FSTL5: variants seen among roughly 807,000 people sequenced by gnomAD.
FSTL5 encodes the protein follistatin-related protein 5.
Under a neutral mutation model 89.1 loss-of-function variants are expected in FSTL5, and 62 were observed. The observed-to-expected ratio is 0.70, with a 90% confidence interval of 0.57 to 0.86. FSTL5 has a LOEUF of 0.86. Ranked by LOEUF, FSTL5 falls within the 40% of genes least tolerant of loss-of-function variation. The pLI is 0.00. For missense variants in FSTL5, 1,057 were observed against 1,001.6 expected, an observed-to-expected ratio of 1.06 and a Z score of -0.75; for synonymous variants, 383 against 346.2, an observed-to-expected ratio of 1.11 and a Z score of -1.18.
intron 6 of FSTL5, among the ~76,000 whole-genome samples, chr4:161,661,704 C>A (rs560557487): frequency 6.6e-5 from 10 of 152,126 alleles, no homozygotes; most frequent in African/African-American, 2.4e-4. Context: ...TTAGAATCTT[C>A]GAGACTAAAT....
At chr4:161,462,268 T>C (rs979769652) in intron 13 of FSTL5, among the ~76,000 whole-genome samples, 4 of 152,216 alleles carry the variant, frequency 2.6e-5, no homozygotes, top group South Asian at 2.1e-4. Flanking sequence ...TCCCTCTTAG[T>C]TGATTGTTTA....
intron 7 of FSTL5, among the ~76,000 whole-genome samples, chr4:161,653,324 A>G (rs901459422): frequency 6.6e-6 from 1 of 152,162 alleles, no homozygotes; most frequent in African/African-American, 2.4e-5. Flanking sequence ...TGAAAATAGT[A>G]TCCTCTGTCA....
intron 7 of FSTL5, among the ~76,000 whole-genome samples, chr4:161,604,241 T>G (rs2126628444): frequency 6.6e-6 from 1 of 152,294 alleles, no homozygotes; most frequent in Middle Eastern, 3.4e-3. Context: ...ATAAATACAT[T>G]ATTATGCAAA....
chr4:161,670,760 A>G (rs190737510), intron 6 of FSTL5, among the ~76,000 whole-genome samples: 108 of 152,334 alleles, frequency 7.1e-4, no homozygotes, highest in Non-Finnish European at 1.3e-3. Flanking sequence ...CATTTTGGCA[A>G]TTCTTCACAG....
intron 4 of FSTL5, among the ~76,000 whole-genome samples, chr4:161,811,998 A>G (rs1405997899): frequency 2.0e-5 from 3 of 152,196 alleles, no homozygotes; most frequent in Admixed American, 2.0e-4. Context: ...ATACTTGACA[A>G]TAATGGCTGG....
At chr4:161,448,572 C>A (rs911804524) in intron 15 of FSTL5, among the ~76,000 whole-genome samples, 9 of 152,062 alleles carry the variant, frequency 5.9e-5, no homozygotes, top group Admixed American at 5.2e-4. Flanking sequence ...CAAACTCAAT[C>A]CCTTCTTAAT....
chr4:162,120,624 A>G (rs748080266), intron 1 of FSTL5, among the ~76,000 whole-genome samples: 5 of 152,076 alleles, frequency 3.3e-5, no homozygotes, highest in Non-Finnish European at 7.4e-5. Context: ...AAAATATTTG[A>G]ATTGACTGTG....
intron 8 of FSTL5, among the ~76,000 whole-genome samples, chr4:161,558,872 T>C (rs1732486578): frequency 6.6e-6 from 1 of 151,908 alleles, no homozygotes; most frequent in African/African-American, 2.4e-5. Context: ...AATCCAGTTA[T>C]TTATGGCAAC....
intron 2 of FSTL5, among the ~76,000 whole-genome samples, chr4:162,053,812 ATT>A (rs1738456954): frequency 6.6e-6 from 1 of 151,818 alleles, no homozygotes; most frequent in Non-Finnish European, 1.5e-5. Flanking sequence ...AAAAGTGAAC[ATT>A]CTTATAAAAT....
At chr4:161,675,298 A>G (rs1356009245) in intron 6 of FSTL5, among the ~76,000 whole-genome samples, 2 of 151,918 alleles carry the variant, frequency 1.3e-5, no homozygotes, top group African/African-American at 4.8e-5. Context: ...AATTTGGGCT[A>G]TAAAAACTGT....
Position 161,817,218 on chromosome 4 carries a change from T to C in FSTL5, c.410-41144A>G, listed in dbSNP as rs111801585. ...GGCTGAAACATGCGTGTGTCATTGTTATAACCAAGAGTTCACAAGTCAAAC... is the reference window on the plus strand; with the variant it reads ...GGCTGAAACATGCGTGTGTCATTGTCATAACCAAGAGTTCACAAGTCAAAC... On this transcript the variant is annotated intron_variant, in intron 4 of 15. Transcript: ENST00000306100. 6.5e-3 allele frequency among the ~76,000 whole-genome samples: 984 copies of C among 152,326 alleles called. 12 individuals are homozygous for C. The highest frequency in any genetic ancestry group is 0.021 in the African/African-American group (876 of 41,578).
intron 4 of FSTL5, among the ~76,000 whole-genome samples, chr4:161,868,059 T>C (rs1263107536): frequency 6.6e-6 from 1 of 152,068 alleles, no homozygotes; most frequent in Non-Finnish European, 1.5e-5. Flanking sequence ...AAAAGCTGCA[T>C]CAGAAATATA....
chr4:161,615,731 C>A (rs1027894635), intron 7 of FSTL5, among the ~76,000 whole-genome samples: 3 of 152,168 alleles, frequency 2.0e-5, no homozygotes, highest in Non-Finnish European at 2.9e-5. Flanking sequence ...GCTAAAATGA[C>A]AATGAGATTG....
chr4:161,457,640 T>C (rs1321973942), intron 14 of FSTL5, among the ~76,000 whole-genome samples: 2 of 151,980 alleles, frequency 1.3e-5, no homozygotes, highest in African/African-American at 4.8e-5. Context: ...CAGCTTTAGT[T>C]TTTTAAAAAA....
At chr4:161,462,145 G>A (rs12648748) in intron 13 of FSTL5, among the ~76,000 whole-genome samples, 14,942 of 152,202 alleles carry the variant, frequency 0.098, 825 homozygotes, top group South Asian at 0.2. Context: ...AATGGGATAA[G>A]GAAACTGAGA....
At chr4:162,034,008 C>T (rs758149403) in intron 2 of FSTL5, among the ~76,000 whole-genome samples, 9 of 151,790 alleles carry the variant, frequency 5.9e-5, no homozygotes, top group Admixed American at 2.0e-4. Flanking sequence ...CCTTATTTTG[C>T]CCAGGTTGGT....
chr4:161,669,304 A>C (rs965303254), intron 6 of FSTL5, among the ~76,000 whole-genome samples: 4 of 152,056 alleles, frequency 2.6e-5, no homozygotes, highest in Non-Finnish European at 5.9e-5. Flanking sequence ...ATGAATCCTG[A>C]GGTGTCTAGA....
At chr4:161,596,126 C>A (rs932477530) in intron 7 of FSTL5, among the ~76,000 whole-genome samples, 4 of 151,820 alleles carry the variant, frequency 2.6e-5, no homozygotes, top group African/African-American at 7.2e-5. Context: ...GCAATATTAT[C>A]TCACAGTAGA....
chr4:161,545,455 C>CT (rs5863462), intron 8 of FSTL5, among the ~76,000 whole-genome samples: 151,575 of 152,178 alleles, frequency 1, 75,491 homozygotes, highest in Middle Eastern at 1. Flanking sequence ...AGATCTGGCG[C>CT]GTTGCTACAT....
Sources: gnomAD v4.1 joint callset for allele counts (sites outside exome capture counted in the v4.1 genomes callset) on GRCh38, gnomAD v4.1.1 for gene constraint, MANE v1.5 for transcripts, NCBI Gene and HGNC (gene_info 2026-07-23, HGNC 2026-07-21) for gene names.